PCNX2: variants seen among roughly 807,000 people sequenced by gnomAD.
PCNX2 encodes pecanex-like protein 2.
Under a neutral mutation model 223.8 loss-of-function variants are expected in PCNX2, and 168 were observed. The observed-to-expected ratio is 0.75, with a 90% CI of 0.66 to 0.85. The LOEUF is 0.85. PCNX2 is among the 40% of genes least tolerant of loss of function. The probability of loss-of-function intolerance (pLI) is 0.00; values close to 1 mark genes in which losing one functional copy is unlikely to be tolerated. For missense variants in PCNX2, 2,507 were observed against 2,675.5 expected (o/e 0.94, Z 1.39); for synonymous variants, 1,006 against 1,052.6 (o/e 0.96, Z 0.86).
chr1:233,118,773 C>G (rs1571900611), intron 21 of PCNX2, among the ~76,000 whole-genome samples: 4 of 152,198 alleles, frequency 2.6e-5, no homozygotes, highest in Admixed American at 2.6e-4. Context: ...GAAAAGATGT[C>G]AATTCTCTCT....
chr1:233,113,269 G>A (rs576917633), intron 21 of PCNX2, among the ~76,000 whole-genome samples: 2 of 152,290 alleles, frequency 1.3e-5, no homozygotes, highest in South Asian at 2.1e-4. Flanking sequence ...ACTCCCCACT[G>A]TGAACAGGAC....
In PCNX2 at chr1:233,206,251, T is replaced by C. The variant is rs1487407608; in HGVS notation, c.2863+2267A>G. Among the ~76,000 whole-genome samples, 3 of 152,220 alleles carry C rather than the reference T, an allele frequency of 2.0e-5. No individual in the cohort carries two copies. In the East Asian group the frequency reaches 5.8e-4, roughly 30 times the overall value. On this transcript the variant is annotated intron_variant, in intron 13 of 33. Coordinates refer to ENST00000258229, the MANE Select transcript of PCNX2 (RefSeq NM_014801.4). ...AGAGAGAAAAGGCAGCATTTTGACA[T>C]AGACAATCGTTTCTTGGACATCTTC...
chr1:233,046,796 C>T (rs887597837), intron 25 of PCNX2, among the ~76,000 whole-genome samples: 12 of 152,156 alleles, frequency 7.9e-5, no homozygotes, highest in African/African-American at 2.9e-4. Context: ...TTCAAGGAGT[C>T]TGGTATGTTG....
chr1:233,225,819 A>G (rs564505135), intron 10 of PCNX2, among the ~76,000 whole-genome samples: 2 of 152,344 alleles, frequency 1.3e-5, no homozygotes, highest in South Asian at 4.1e-4. Flanking sequence ...ATTTACCAGA[A>G]TATACTATCT....
intron 21 of PCNX2, chr1:233,125,968 G>C (rs1676074289): frequency 6.6e-6 from 1 of 152,274 alleles, no homozygotes; most frequent in Non-Finnish European, 1.5e-5. Context: ...CCAGCACTTT[G>C]GGAGGCCGAG....
intron 23 of PCNX2, among the ~76,000 whole-genome samples, chr1:233,075,748 G>T (rs768068788): frequency 2.3e-5 from 3 of 132,328 alleles, no homozygotes; most frequent in Non-Finnish European, 4.7e-5. Context: ...CAACAGAAAA[G>T]AAATCTCCAT....
the PCNX2 span, among the ~76,000 whole-genome samples, chr1:233,320,333 C>T: frequency 6.6e-6 from 1 of 152,102 alleles, no homozygotes; most frequent in Non-Finnish European, 1.5e-5. Flanking sequence ...TCAGATTTCA[C>T]CAGTCCTACA....
At chr1:233,036,342 T>A (rs1671453022) in intron 25 of PCNX2, among the ~76,000 whole-genome samples, 1 of 152,170 alleles carries the variant, frequency 6.6e-6, no homozygotes, top group Non-Finnish European at 1.5e-5. Context: ...AAGAATTTTA[T>A]ATTTCAGGCT....
intron 1 of PCNX2, chr1:233,290,659 T>C (rs61823947): frequency 0.011 from 9,351 of 814,988 alleles, 49 homozygotes; most frequent in Middle Eastern, 0.014. Context: ...GTGCTTACTA[T>C]TTGCCTAGTG....
chr1:233,248,975 A>T (rs1190774242), intron 8 of PCNX2, among the ~76,000 whole-genome samples: 1 of 152,136 alleles, frequency 6.6e-6, no homozygotes, highest in Non-Finnish European at 1.5e-5. Context: ...TGGAAAGGAA[A>T]TGCAGAGGAA....
At chr1:233,240,062 T>C (rs1376394622) in intron 8 of PCNX2, among the ~76,000 whole-genome samples, 2 of 152,220 alleles carry the variant, frequency 1.3e-5, no homozygotes, top group Non-Finnish European at 2.9e-5. Context: ...TGTATTGTCA[T>C]GTGTATATGG....
chr1:233,322,668 T>C, the PCNX2 span, among the ~76,000 whole-genome samples: 1 of 152,062 alleles, frequency 6.6e-6, no homozygotes, highest in African/African-American at 2.4e-5. Flanking sequence ...ATGAGATTTG[T>C]TTTGGCAGGC....
chr1:233,118,279 T>C (rs939699715), intron 21 of PCNX2, among the ~76,000 whole-genome samples: 3 of 152,110 alleles, frequency 2.0e-5, no homozygotes, highest in Non-Finnish European at 4.4e-5. Flanking sequence ...TACTCATACT[T>C]ACTGGTGAAA....
intron 26 of PCNX2, among the ~76,000 whole-genome samples, chr1:233,024,459 A>G (rs532404289): frequency 2.0e-5 from 3 of 152,258 alleles, no homozygotes; most frequent in Non-Finnish European, 4.4e-5. Context: ...TAGGACCCAC[A>G]GCGAAGATTT....
intron 19 of PCNX2, 137 bp downstream of exon 19, chr1:233,160,146 C>T: frequency 1.1e-6 from 1 of 913,266 alleles, no homozygotes; most frequent in South Asian, 1.8e-5. Flanking sequence ...GTAAAATACA[C>T]ATAATGTACC....
In PCNX2 at chr1:233,209,078, T is replaced by G. The variant is rs370495113; in HGVS notation, c.2692-389A>C. Among the ~76,000 whole-genome samples the G allele has an allele frequency of 2.0e-5, 3 of 152,218 alleles. No individual in the cohort carries two copies. The South Asian group carries it at 6.2e-4, about 31-fold the overall frequency. ...AAAACTAATTTAAACCACTGTTTGC[T>G]CTACACTTGGGTGCCACTATTAATA... On this transcript the variant is annotated intron_variant, in intron 12 of 33. Coordinates refer to ENST00000258229, the MANE Select transcript of PCNX2 (RefSeq NM_014801.4).
At position 233,093,398 on chromosome 1, in the gene PCNX2, A is replaced by G. The variant is rs1431601905; in HGVS notation, c.3946+2357T>C. Among the ~76,000 whole-genome samples the G allele has an allele frequency of 3.3e-5, 5 of 152,330 alleles. No individual in the cohort carries two copies. In the East Asian group the frequency reaches 9.6e-4, roughly 29 times the overall value. ...CCCTGCTGGCCTGAAAGCTAATTCAATTCCAAAACAGAGCAAATTAGTCCC... is the reference window on the plus strand; with the variant it reads ...CCCTGCTGGCCTGAAAGCTAATTCAGTTCCAAAACAGAGCAAATTAGTCCC... On this transcript the variant is annotated intron_variant, in intron 22 of 33. Transcript: ENST00000258229.
intron 23 of PCNX2, chr1:233,057,853 CA>C (rs113587409): frequency 2.7e-3 from 2,272 of 828,308 alleles, no homozygotes; most frequent in African/African-American, 4.3e-3. Flanking sequence ...GAGCAAGACT[CA>C]AAAAAAAAAA....
chr1:233,242,535 G>T (rs1658834997), intron 8 of PCNX2, among the ~76,000 whole-genome samples: 1 of 152,180 alleles, frequency 6.6e-6, no homozygotes, highest in Admixed American at 6.5e-5. Context: ...CACCGTAAAA[G>T]CCAGATTAAT....
Sources: allele counts gnomAD v4.1 joint callset (sites outside exome capture counted in the v4.1 genomes callset), GRCh38; gene constraint gnomAD v4.1.1; transcripts MANE v1.5; gene names NCBI Gene and HGNC (gene_info 2026-07-23, HGNC 2026-07-21).